The following FILIP1L variants were observed in gnomAD, a reference collection of about 807,000 sequenced individuals.
FILIP1L encodes the protein filamin A interacting protein 1 like.
In FILIP1L, 55 loss-of-function variants were observed where a neutral mutation model predicts 96.6. The ratio of observed to expected loss-of-function variants is 0.57; its 90% CI spans 0.46 to 0.71. FILIP1L has a LOEUF of 0.71. FILIP1L is among the 30% of genes least tolerant of loss of function. The probability of loss-of-function intolerance (pLI) is 0.00; values close to 1 mark genes in which losing one functional copy is unlikely to be tolerated. For synonymous variants in FILIP1L, 467 were observed against 473.9 expected (o/e 0.99, Z 0.19); for missense variants, 1,304 against 1,321.2 (o/e 0.99, Z 0.20).
At chr3:99,922,300 T>C (rs1239488869) in intron 4 of FILIP1L, among the ~76,000 whole-genome samples, 1 of 152,240 alleles carries the variant, frequency 6.6e-6, no homozygotes, top group African/African-American at 2.4e-5. Context: ...TAACATTGTC[T>C]CATTGAATAA....
intron 1 of FILIP1L, among the ~76,000 whole-genome samples, chr3:100,016,482 G>A (rs1010557928): frequency 6.6e-6 from 1 of 152,192 alleles, no homozygotes; most frequent in African/African-American, 2.4e-5. Flanking sequence ...ACTACACCCA[G>A]CTGGGTCAGC....
chr3:99,937,958 G>T (rs1473141843), intron 1 of FILIP1L, among the ~76,000 whole-genome samples: 1 of 152,200 alleles, frequency 6.6e-6, no homozygotes, highest in Non-Finnish European at 1.5e-5. Flanking sequence ...TGGTAAAGGT[G>T]AATTAAGGTG....
chr3:100,056,877 G>A (rs182302727), intron 1 of FILIP1L, among the ~76,000 whole-genome samples: 222 of 152,110 alleles, frequency 1.5e-3, no homozygotes, highest in Non-Finnish European at 2.8e-3. Context: ...GATGGCAGGC[G>A]CCTGTAGTCC....
chr3:99,941,982 G>A (rs1001012019), intron 1 of FILIP1L, among the ~76,000 whole-genome samples: 9 of 152,098 alleles, frequency 5.9e-5, no homozygotes, highest in Admixed American at 6.5e-5. Context: ...TAAATTAGGT[G>A]ATATTAAGAA....
intron 1 of FILIP1L, among the ~76,000 whole-genome samples, chr3:99,992,572 G>A (rs758092346): frequency 3.3e-5 from 5 of 152,006 alleles, no homozygotes; most frequent in Non-Finnish European, 7.4e-5. Flanking sequence ...TTAGCCCTTT[G>A]TCAGATGCAT....
intron 1 of FILIP1L, chr3:100,040,550 C>T (rs1412384811): frequency 2.0e-5 from 3 of 152,186 alleles, no homozygotes; most frequent in South Asian, 2.1e-4. Context: ...TGCTTTTTCC[C>T]CCCTTCCTTT....
intron 1 of FILIP1L, among the ~76,000 whole-genome samples, chr3:99,932,853 G>T (rs1161004450): frequency 6.6e-6 from 1 of 152,146 alleles, no homozygotes; most frequent in Non-Finnish European, 1.5e-5. Context: ...ATCGCGCCCG[G>T]CACTCCAGCC....
At chr3:99,983,422 A>ATATATATATATG (rs1559713456) in intron 1 of FILIP1L, among the ~76,000 whole-genome samples, 8 of 86,928 alleles carry the variant, frequency 9.2e-5, no homozygotes, top group South Asian at 7.9e-4. Context: ...ATATATATGT[A>ATATATATATATG]TGTATGTATG....
intron 4 of FILIP1L, among the ~76,000 whole-genome samples, chr3:99,905,148 C>T (rs73858964): frequency 4.1e-4 from 62 of 152,352 alleles, no homozygotes; most frequent in African/African-American, 1.3e-3. Context: ...GATAGCTTAT[C>T]CCCCTTTGAA....
chr3:99,836,827 C>T (rs1483932255), intron 5 of FILIP1L, among the ~76,000 whole-genome samples: 2 of 152,204 alleles, frequency 1.3e-5, no homozygotes, highest in Non-Finnish European at 2.9e-5. Context: ...ACCTGGCTGG[C>T]CCCTCAGCCA....
At chr3:99,943,855 C>G (rs958136202) in intron 1 of FILIP1L, among the ~76,000 whole-genome samples, 1 of 152,162 alleles carries the variant, frequency 6.6e-6, no homozygotes, top group Non-Finnish European at 1.5e-5. Context: ...AATCTTACTT[C>G]CCTCGCAACT....
chr3:100,079,121 T>G (rs1353888199), intron 1 of FILIP1L, among the ~76,000 whole-genome samples: 1 of 152,080 alleles, frequency 6.6e-6, no homozygotes. Flanking sequence ...AATCCAGGCC[T>G]CTCTCCCCAG....
At chr3:100,010,829 A>G (rs1365802046) in intron 1 of FILIP1L, among the ~76,000 whole-genome samples, 1 of 130,604 alleles carries the variant, frequency 7.7e-6, no homozygotes, top group Non-Finnish European at 1.6e-5. Context: ...GGGTTTCAGC[A>G]TGTTGGTCAG....
At position 99,915,196 on chromosome 3, in the gene FILIP1L, G is replaced by A. The variant is rs182094674; in HGVS notation, c.605+9034C>T. Among the ~76,000 whole-genome samples, 21 of 152,138 alleles carry A rather than the reference G, an allele frequency of 1.4e-4. No individual in the cohort carries two copies. In the East Asian group the frequency reaches 1.9e-3, roughly 14 times the overall value. Reference sequence around the variant, plus strand: ...CCATTCTCCCATGACCATGCTAACCGAAGGGAATGAATCCAGAAGCTAATT... The same window carrying A: ...CCATTCTCCCATGACCATGCTAACCAAAGGGAATGAATCCAGAAGCTAATT... On this transcript the variant is annotated intron_variant, in intron 4 of 5. Transcript: ENST00000477258.
At chr3:100,060,886 T>G (rs2065552572) in intron 1 of FILIP1L, among the ~76,000 whole-genome samples, 1 of 151,854 alleles carries the variant, frequency 6.6e-6, no homozygotes, top group African/African-American at 2.4e-5. Context: ...AAAAAACAAA[T>G]AGGGCATCTC....
At chr3:99,857,733 T>C (rs1559662455) in intron 4 of FILIP1L, among the ~76,000 whole-genome samples, 1 of 152,250 alleles carries the variant, frequency 6.6e-6, no homozygotes, top group East Asian at 1.9e-4. Flanking sequence ...GTATTGTTTC[T>C]ATTAGTTTCA....
intron 1 of FILIP1L, among the ~76,000 whole-genome samples, chr3:100,004,483 A>G (rs1576634621): frequency 6.6e-6 from 1 of 152,222 alleles, no homozygotes; most frequent in South Asian, 2.1e-4. Context: ...GTCACCCATC[A>G]GAGTGGTGGA....
rs1258804188 is a variant in FILIP1L, at chr3:100,066,674, G to A, written c.-11+47379C>T. Among the ~76,000 whole-genome samples the A allele has an allele frequency of 1.5e-5, 2 of 131,406 alleles. 1 individual carries two copies. The highest frequency in any genetic ancestry group is 3.4e-5 in the Non-Finnish European group (2 of 59,586). 86.2% of individuals were successfully genotyped at this position (131,406 alleles called of 152,430 possible). On this transcript the variant is annotated intron_variant, in intron 1 of 5. Transcript: ENST00000477258. ...AGCCTCCCAAGTAGCTGGGACTACAGGCGCCCGCCACTACGCCCGGCTAAT... is the reference window on the plus strand; with the variant it reads ...AGCCTCCCAAGTAGCTGGGACTACAAGCGCCCGCCACTACGCCCGGCTAAT...
intron 1 of FILIP1L, among the ~76,000 whole-genome samples, chr3:99,945,176 T>G (rs1403069156): frequency 6.6e-6 from 1 of 152,202 alleles, no homozygotes; most frequent in African/African-American, 2.4e-5. Context: ...TCGGGTTAAG[T>G]CCTGGGTTCT....
Sources: allele counts gnomAD v4.1 joint callset (sites outside exome capture counted in the v4.1 genomes callset), GRCh38; gene constraint gnomAD v4.1.1; transcripts MANE v1.5; gene names NCBI Gene and HGNC (gene_info 2026-07-23, HGNC 2026-07-21).